Variants in NTRK2 observed in about 807,000 individuals in gnomAD.
NTRK2 encodes neurotrophic receptor tyrosine kinase 2, also known as BDNF/NT-3 growth factors receptor.
Under a neutral mutation model 94.5 loss-of-function variants are expected in NTRK2, and 13 were observed. That is an observed-to-expected ratio of 0.14 (90% confidence interval 0.09 to 0.22). The LOEUF is 0.22. NTRK2 is among the 10% of genes least tolerant of loss of function. NTRK2 has a pLI of 1.00. For missense variants in NTRK2, 639 were observed against 1,071.2 expected (o/e 0.60, Z 5.63); for synonymous variants, 372 against 407.4 (o/e 0.91, Z 1.05).
At chr9:84,809,882 G>GAAAAAAAAAAA (rs35481612) in intron 12 of NTRK2, among the ~76,000 whole-genome samples, 1 of 118,778 alleles carries the variant, frequency 8.4e-6, no homozygotes, top group Non-Finnish European at 1.7e-5. Flanking sequence ...ACTCTGTCTG[G>GAAAAAAAAAAA]AAAAAAAAAA....
intron 6 of NTRK2, among the ~76,000 whole-genome samples, chr9:84,721,682 T>A (rs1466260672): frequency 1.3e-5 from 2 of 152,084 alleles, no homozygotes; most frequent in East Asian, 3.8e-4. Flanking sequence ...AGAATGATAC[T>A]TAGTGATGAG....
At chr9:84,975,731 C>T (rs1159509982) in intron 17 of NTRK2, among the ~76,000 whole-genome samples, 2 of 151,082 alleles carry the variant, frequency 1.3e-5, no homozygotes, top group Non-Finnish European at 2.9e-5. Context: ...TTAGATTCTG[C>T]CTGTCAGGGT....
intron 9 of NTRK2, among the ~76,000 whole-genome samples, chr9:84,739,747 A>G (rs1369935069): frequency 2.6e-5 from 4 of 152,156 alleles, no homozygotes; most frequent in African/African-American, 9.7e-5. Context: ...AGAACTAGAA[A>G]AAGCCCTCAG....
intron 12 of NTRK2, among the ~76,000 whole-genome samples, chr9:84,826,086 T>C (rs900945642): frequency 6.6e-6 from 1 of 152,202 alleles, no homozygotes; most frequent in Non-Finnish European, 1.5e-5. Flanking sequence ...AGCAAAGATC[T>C]CTGGGGAACT....
rs2058595178 is a variant in NTRK2, at chr9:84,669,962, C to G, written c.-373+74C>G. ...CCCCTGGGGCGGCCTCGGCTACTCC[C>G]CAGGTGGGACGTGCCGCGCCACCTG... On this transcript the variant is annotated intron_variant, in intron 1 of 18. Coordinates refer to ENST00000277120, the MANE Select transcript of NTRK2 (RefSeq NM_006180.6). This position sits in a 1 kb window ranked among gnomAD's most constrained non-coding sequence, Gnocchi z 4.1. The G allele has an allele frequency of 6.5e-6, 1 of 153,176 alleles. No homozygotes were observed. 9.5% of individuals were successfully genotyped at this position (153,176 alleles called of 1,614,324 possible).
intron 14 of NTRK2, among the ~76,000 whole-genome samples, chr9:84,914,415 A>C (rs2077334061): frequency 6.6e-6 from 1 of 152,126 alleles, no homozygotes; most frequent in Admixed American, 6.6e-5. Flanking sequence ...TGAAATCTGG[A>C]CATTTGTGGT....
chr9:84,969,899 G>A (rs576294776), intron 17 of NTRK2, among the ~76,000 whole-genome samples: 3 of 152,304 alleles, frequency 2.0e-5, no homozygotes, highest in Admixed American at 6.5e-5. Flanking sequence ...CATTAGACAT[G>A]TATAATACAA....
chr9:84,898,171 C>A (rs1255989379), intron 14 of NTRK2, among the ~76,000 whole-genome samples: 1 of 151,432 alleles, frequency 6.6e-6, no homozygotes, highest in Non-Finnish European at 1.5e-5. Context: ...TTCATTATAA[C>A]CACACAGGAG....
intron 12 of NTRK2, chr9:84,812,320 A>G: frequency 9.5e-7 from 1 of 1,058,122 alleles, no homozygotes; most frequent in African/African-American, 1.6e-5. Flanking sequence ...TATGGATTGC[A>G]GCATTTCACT....
At chr9:84,803,964 G>A (rs939036820) in intron 12 of NTRK2, among the ~76,000 whole-genome samples, 8 of 152,174 alleles carry the variant, frequency 5.3e-5, no homozygotes, top group Admixed American at 1.3e-4. Flanking sequence ...TGACTTTTGG[G>A]ACTTGCAGCA....
chr9:84,811,617 G>T, intron 12 of NTRK2: 1 of 1,065,448 alleles, frequency 9.4e-7, no homozygotes, highest in Non-Finnish European at 1.1e-6. Context: ...GAGATTCTAA[G>T]AAGGATAGTC....
At position 84,875,540 on chromosome 9, in the gene NTRK2, C is replaced by A. The variant is rs1428701675; in HGVS notation, c.1633+8109C>A. On this transcript the variant is annotated intron_variant, in intron 14 of 18. Transcript: ENST00000277120. ...TCACTTTTTGCCTCCAAGTTCTTCA[C>A]CCTAGCTAGCTCCTTTCAAAGAGCC... 7 of 1,063,268 alleles carry A rather than the reference C, an allele frequency of 6.6e-6. No homozygotes were observed. The Admixed American group carries it at 2.1e-4, about 33-fold the overall frequency. 65.9% of individuals were successfully genotyped at this position (1,063,268 alleles called of 1,614,324 possible).
chr9:84,723,114 A>G (rs535979613), intron 6 of NTRK2, among the ~76,000 whole-genome samples: 15 of 152,234 alleles, frequency 9.9e-5, no homozygotes, highest in Non-Finnish European at 1.6e-4. Flanking sequence ...AGCAAAAAAC[A>G]GATTTTTGCA....
chr9:84,867,649 T>G (rs182438283), intron 14 of NTRK2, among the ~76,000 whole-genome samples: 12 of 152,326 alleles, frequency 7.9e-5, no homozygotes, highest in African/African-American at 2.9e-4. Context: ...TGTGGGCAGA[T>G]ACTGACTCTC....
chr9:84,797,123 A>G (rs1029532391), intron 12 of NTRK2, among the ~76,000 whole-genome samples: 5 of 152,168 alleles, frequency 3.3e-5, no homozygotes, highest in African/African-American at 4.8e-5. Context: ...TGAAGGAGGA[A>G]GCTTAACATG....
In NTRK2 at chr9:85,024,433, A is replaced by G. The variant is rs755561016; in HGVS notation, c.*2996A>G. On this transcript the variant is annotated 3_prime_UTR_variant, in exon 19 of 19. Coordinates refer to ENST00000277120, the MANE Select transcript of NTRK2 (RefSeq NM_006180.6). ...AATCATTTCCATTTAGAAGTCATTG[A>G]ATAGTTTTCCAAACACTTTCCATGT... The G allele has an allele frequency of 5.2e-5, 12 of 232,960 alleles. No homozygotes were observed. The highest frequency in any genetic ancestry group is 8.5e-5 in the Non-Finnish European group (10 of 117,928). 14.4% of individuals were successfully genotyped at this position (232,960 alleles called of 1,614,324 possible).
intron 12 of NTRK2, among the ~76,000 whole-genome samples, chr9:84,770,677 A>C (rs2066461578): frequency 6.6e-6 from 1 of 152,224 alleles, no homozygotes; most frequent in Non-Finnish European, 1.5e-5. Context: ...TTAATTTAAA[A>C]ATGAATTGAG....
At chr9:84,933,645 G>A (rs1227389911) in intron 14 of NTRK2, among the ~76,000 whole-genome samples, 3 of 152,148 alleles carry the variant, frequency 2.0e-5, no homozygotes, top group Non-Finnish European at 4.4e-5. Context: ...CCCACTAGAA[G>A]GCTAAAACTG....
chr9:84,907,269 G>A (rs901137992), intron 14 of NTRK2, among the ~76,000 whole-genome samples: 9 of 152,098 alleles, frequency 5.9e-5, no homozygotes, highest in African/African-American at 2.2e-4. Context: ...AAAGAAATAC[G>A]GTGAATCCAG....
Sources: allele counts gnomAD v4.1 joint callset (sites outside exome capture counted in the v4.1 genomes callset), GRCh38; gene constraint gnomAD v4.1.1; non-coding constraint Gnocchi (gnomAD v3.1); transcripts MANE v1.5; gene names NCBI Gene and HGNC (gene_info 2026-07-23, HGNC 2026-07-21).